The following SV2B variants were observed in gnomAD, a reference collection of about 807,000 sequenced individuals.
SV2B encodes solute carrier family 22 member B2.
Under a neutral mutation model 73.9 loss-of-function variants are expected in SV2B, and 41 were observed. That is an observed-to-expected ratio of 0.56 (90% CI 0.43 to 0.72). The LOEUF (loss-of-function observed/expected upper bound fraction) is 0.72. SV2B is among the 30% of genes least tolerant of loss of function. The probability of loss-of-function intolerance (pLI) is 0.00; values close to 1 mark genes in which losing one functional copy is unlikely to be tolerated. For missense variants in SV2B, 764 were observed against 857.8 expected (o/e 0.89, Z 1.37); for synonymous variants, 314 against 314.2 (o/e 1.00, Z 0.01).
chr15:91,284,276 C>T lies in SV2B; in HGVS notation c.1708+55C>T. On this transcript the variant is annotated intron_variant, in intron 11 of 12. Transcript: ENST00000394232. This position sits in a 1 kb window ranked among gnomAD's most constrained non-coding sequence, Gnocchi z 4.5. ...TCCAACGCGCTGGGGTGGTGACTTT[C>T]AAGTGTATTAAACAGGGAAATTTTC... is the stretch of plus-strand genomic sequence containing the variant. The T allele has an allele frequency of 6.3e-7, 1 of 1,583,188 alleles. No homozygotes were observed. Among genetic ancestry groups the T allele is most frequent in the Non-Finnish European group, 8.7e-7 (1 of 1,154,026 alleles).
At chr15:91,292,283 C>T in intron 12 of SV2B, 86 bp from the exon 13 acceptor site, 3 of 1,361,930 alleles carry the variant, frequency 2.2e-6, no homozygotes, top group Non-Finnish European at 3.0e-6. Context: ...ACCCTCTTCC[C>T]CCTGCAATAA....
chr15:91,191,794 T>A (rs746419502), intron 1 of SV2B, among the ~76,000 whole-genome samples: 5 of 152,258 alleles, frequency 3.3e-5, no homozygotes, highest in Non-Finnish European at 7.3e-5. Flanking sequence ...GAGAATCTCA[T>A]CTTTTAATCA....
chr15:91,221,185 A>G (rs1176193676), intron 1 of SV2B, among the ~76,000 whole-genome samples: 1 of 152,138 alleles, frequency 6.6e-6, no homozygotes, highest in East Asian at 1.9e-4. Flanking sequence ...GATGACCACA[A>G]CAATAATAGC....
chr15:91,184,173 T>C (rs1038790455), intron 1 of SV2B, among the ~76,000 whole-genome samples: 11 of 152,110 alleles, frequency 7.2e-5, no homozygotes, highest in African/African-American at 2.4e-4. Flanking sequence ...CAAAGTCCCG[T>C]TAAATAGAGT....
In SV2B at chr15:91,267,760, G is replaced by A; in HGVS notation, c.1208+117G>A. 2.3e-6 allele frequency: 2 copies of A among 868,616 alleles called. No homozygotes were observed. Among genetic ancestry groups the A allele is most frequent in the East Asian group, 2.7e-5 (1 of 37,544 alleles). The allele number at this position is 868,616 out of a possible 1,614,324, so 53.8% of individuals were successfully genotyped here. A position where few individuals can be genotyped will look rare whatever the true frequency, so the allele number is the denominator to read the frequency against. ...TTGTATCAGGTAGGATGCTTTGGTG[G>A]CAAGTAGCAGAAAACCAACTCTAGT... is the stretch of plus-strand genomic sequence containing the variant. On this transcript the variant is annotated intron_variant, in intron 8 of 12. Coordinates refer to ENST00000394232, the MANE Select transcript of SV2B (RefSeq NM_001323032.3). The surrounding 1 kb of genome is among the most constrained non-coding windows in gnomAD (Gnocchi z 4.3).
intron 5 of SV2B, among the ~76,000 whole-genome samples, chr15:91,259,337 A>G (rs10852146): frequency 0.83 from 125,817 of 152,078 alleles, 52,851 homozygotes; most frequent in African/African-American, 0.96. Flanking sequence ...GACAGTGCAG[A>G]AGCAGGCAGA....
Position 91,224,837 on chromosome 15 carries a change from C to A in SV2B, c.-391-1036C>A, listed in dbSNP as rs149317888. Among the ~76,000 whole-genome samples, 62 of 152,260 alleles carry A rather than the reference C, an allele frequency of 4.1e-4. No individual in the cohort carries two copies. The highest frequency in any genetic ancestry group is 1.4e-3 in the African/African-American group (58 of 41,556). Reference sequence around the variant, plus strand: ...GGCCACAATAAATGGTGGCCCCAAGCCTTGTGAAACCTGAGATTCTAGGCA... The same window carrying A: ...GGCCACAATAAATGGTGGCCCCAAGACTTGTGAAACCTGAGATTCTAGGCA... On this transcript the variant is annotated intron_variant, in intron 1 of 12. Transcript: ENST00000394232. This position sits in a 1 kb window ranked among gnomAD's most constrained non-coding sequence, Gnocchi z 4.9.
chr15:91,158,123 T>A (rs2043553102), intron 1 of SV2B, among the ~76,000 whole-genome samples: 1 of 152,178 alleles, frequency 6.6e-6, no homozygotes, highest in African/African-American at 2.4e-5. Flanking sequence ...AAGCTCATGT[T>A]GAAATTTGAC....
At chr15:91,180,650 C>A (rs1161058082) in intron 1 of SV2B, among the ~76,000 whole-genome samples, 2 of 152,224 alleles carry the variant, frequency 1.3e-5, no homozygotes, top group Non-Finnish European at 2.9e-5. Context: ...ATTTCATCTT[C>A]CGTCACTGAA....
chr15:91,225,440 A>G (rs905911212), intron 1 of SV2B, among the ~76,000 whole-genome samples: 1 of 152,234 alleles, frequency 6.6e-6, no homozygotes, highest in South Asian at 2.1e-4. Context: ...GATAAGTTCT[A>G]ACAGAAAATC....
At chr15:91,173,292 A>C (rs964362743) in intron 1 of SV2B, among the ~76,000 whole-genome samples, 4 of 151,986 alleles carry the variant, frequency 2.6e-5, no homozygotes, top group African/African-American at 9.7e-5. Flanking sequence ...AGTGCAGGAG[A>C]AGGAGTTGTG....
In SV2B at chr15:91,290,045, G is replaced by C. The variant is rs894529419; in HGVS notation, c.1868+365G>C. 3.3e-5 allele frequency among the ~76,000 whole-genome samples: 5 copies of C among 152,294 alleles called. No individual in the cohort carries two copies. In the East Asian group the frequency reaches 9.6e-4, roughly 29 times the overall value. On this transcript the variant is annotated intron_variant, in intron 12 of 12. Transcript: ENST00000394232. This position sits in a 1 kb window ranked among gnomAD's most constrained non-coding sequence, Gnocchi z 4.7. ...GTGAAGAGCTGGAATAGCACAGGGTGGGGGCAAGGAGAGAAATAAAGGTCG... is the reference window on the plus strand; with the variant it reads ...GTGAAGAGCTGGAATAGCACAGGGTCGGGGCAAGGAGAGAAATAAAGGTCG...
chr15:91,250,202 G>A (rs1249478080), intron 2 of SV2B, among the ~76,000 whole-genome samples: 4 of 152,184 alleles, frequency 2.6e-5, no homozygotes, highest in African/African-American at 9.7e-5. Flanking sequence ...ATGAATGGAT[G>A]TTTAAACATA....
At chr15:91,147,760 T>C (rs1225644866) in intron 1 of SV2B, among the ~76,000 whole-genome samples, 1 of 152,068 alleles carries the variant, frequency 6.6e-6, no homozygotes, top group Non-Finnish European at 1.5e-5. Context: ...CTTAAAATAT[T>C]ATAGGTCTAG....
At chr15:91,249,897 A>G (rs2141604264) in intron 2 of SV2B, among the ~76,000 whole-genome samples, 1 of 152,378 alleles carries the variant, frequency 6.6e-6, no homozygotes, top group South Asian at 2.1e-4. Flanking sequence ...AGAAAAGCCT[A>G]GGACCTGCTG....
In SV2B at chr15:91,184,009, A is replaced by G. The variant is rs2044681268; in HGVS notation, c.-391-41864A>G. On this transcript the variant is annotated intron_variant, in intron 1 of 12. Transcript: ENST00000394232. ...CATCAGGAGTTATTTAATTGCTAGT[A>G]TTGTTAAGAAAACACTGTATCCACC... Among the ~76,000 whole-genome samples, 2 of 152,220 alleles carry G rather than the reference A, an allele frequency of 1.3e-5. 1 individual carries two copies. The highest frequency in any genetic ancestry group is 4.1e-4 in the South Asian group (2 of 4,830).
At chr15:91,221,693 G>GCGCGCACGCACA (rs370290337) in intron 1 of SV2B, among the ~76,000 whole-genome samples, 2 of 140,158 alleles carry the variant, frequency 1.4e-5, no homozygotes, top group African/African-American at 5.6e-5. Flanking sequence ...AAGCATGTGC[G>GCGCGCACGCACA]CACACACACA....
intron 2 of SV2B, among the ~76,000 whole-genome samples, chr15:91,246,525 G>A (rs191574635): frequency 1.1e-4 from 16 of 152,322 alleles, no homozygotes; most frequent in African/African-American, 3.8e-4. Flanking sequence ...GCTGCCCACA[G>A]GCATGCTGTG....
rs10637206 is a variant in SV2B, at chr15:91,134,004, C to CT, written c.-392+33653dup. ...TGCCTCTTCACCACTTTCTTTCTTC[C>CT]TTTTTTTTTTTTGAGATGGAGTCTT... is the stretch of plus-strand genomic sequence containing the variant. On this transcript the variant is annotated intron_variant, in intron 1 of 12. Transcript: ENST00000394232. 5.0e-4 allele frequency among the ~76,000 whole-genome samples: 53 copies of CT among 106,214 alleles called. No homozygotes were observed. The East Asian group carries it at 6.6e-3, about 13-fold the overall frequency. 69.7% of individuals were successfully genotyped at this position (106,214 alleles called of 152,430 possible). A position where few individuals can be genotyped will look rare whatever the true frequency, so the allele number is the denominator to read the frequency against.
Sources: gnomAD v4.1 joint callset for allele counts (sites outside exome capture counted in the v4.1 genomes callset) on GRCh38, gnomAD v4.1.1 for gene constraint, Gnocchi (gnomAD v3.1) non-coding constraint, MANE v1.5 for transcripts, NCBI Gene and HGNC (gene_info 2026-07-23, HGNC 2026-07-21) for gene names.